The following IGF1R variants were observed in gnomAD, a reference collection of about 807,000 sequenced individuals.
IGF1R encodes insulin-like growth factor 1 receptor.
In IGF1R, 44 loss-of-function variants were observed where a neutral mutation model predicts 144.6. The ratio of observed to expected loss-of-function variants is 0.30; its 90% CI spans 0.24 to 0.39. The LOEUF is 0.39. Among genes scored for constraint, IGF1R ranks in the 10% least tolerant of loss-of-function variants. The pLI is 1.00. For synonymous variants in IGF1R, 795 were observed against 722.8 expected (o/e 1.10, Z -1.60); for missense variants, 1,355 against 1,833.7 (o/e 0.74, Z 4.77).
intron 20 of IGF1R, among the ~76,000 whole-genome samples, chr15:98,953,982 C>G (rs1011273700): frequency 6.6e-6 from 1 of 152,140 alleles, no homozygotes; most frequent in Non-Finnish European, 1.5e-5. Flanking sequence ...CTAAGACGAC[C>G]CTTACTGTTG....
intron 3 of IGF1R, among the ~76,000 whole-genome samples, chr15:98,894,617 A>T (rs1377481679): frequency 2.0e-5 from 3 of 152,222 alleles, no homozygotes; most frequent in Non-Finnish European, 4.4e-5. Flanking sequence ...AAAATGACAG[A>T]TTATAGCCAG....
chr15:98,874,585 T>C (rs1347863121), intron 2 of IGF1R, among the ~76,000 whole-genome samples: 1 of 152,196 alleles, frequency 6.6e-6, no homozygotes, highest in African/African-American at 2.4e-5. Context: ...CCTGGGTGTT[T>C]AACCCAACTC....
chr15:98,878,233 G>C (rs1344639869), intron 2 of IGF1R, among the ~76,000 whole-genome samples: 1 of 152,220 alleles, frequency 6.6e-6, no homozygotes, highest in South Asian at 2.1e-4. Flanking sequence ...ACAGTCCCCA[G>C]TTTGTCCCTA....
In IGF1R at chr15:98,958,816, A is replaced by G. The variant is rs1311742084; in HGVS notation, c.*1374A>G. ...CTCCAAGAAACTTCTTATGCTTTGT[A>G]CTAGAGTGCGTGACTTTCTTCCTCT... is the stretch of plus-strand genomic sequence containing the variant. On this transcript the variant is annotated 3_prime_UTR_variant, in exon 21 of 21. Transcript: ENST00000650285. 1 of 233,246 alleles carries G rather than the reference A, an allele frequency of 4.3e-6. No individual in the cohort carries two copies. Among genetic ancestry groups the G allele is most frequent in the Admixed American group, 5.6e-5 (1 of 17,768 alleles). The allele number at this position is 233,246 out of a possible 1,614,324, so 14.4% of individuals were successfully genotyped here. A position where few individuals can be genotyped will look rare whatever the true frequency, so the allele number is the denominator to read the frequency against.
chr15:98,769,830 T>G (rs1447491498), intron 2 of IGF1R, among the ~76,000 whole-genome samples: 1 of 152,242 alleles, frequency 6.6e-6, no homozygotes, highest in Non-Finnish European at 1.5e-5. Flanking sequence ...CCCTAGCTGT[T>G]TGTCTTGCTT....
At position 98,679,731 on chromosome 15, in the gene IGF1R, T is replaced by TTGTAAA. The variant is rs141353444; in HGVS notation, c.95-27830_95-27825dup. On this transcript the variant is annotated intron_variant, in intron 1 of 20. Coordinates refer to ENST00000650285, the MANE Select transcript of IGF1R (RefSeq NM_000875.5). ...TTATACTTATTAAACACAAAATTAA[T>TTGTAAA]TGTAAAATAGCCTCAGGCAGGTCCT... Among the ~76,000 whole-genome samples the TTGTAAA allele has an allele frequency of 5.4e-3, 819 of 152,272 alleles. 5 individuals are homozygous for TTGTAAA. The highest frequency in any genetic ancestry group is 0.019 in the African/African-American group (787 of 41,526).
At chr15:98,709,004 T>G (rs2053931905) in intron 2 of IGF1R, among the ~76,000 whole-genome samples, 1 of 152,236 alleles carries the variant, frequency 6.6e-6, no homozygotes, top group African/African-American at 2.4e-5. Flanking sequence ...CTGTTTGGTA[T>G]TAAAATGTGA....
chr15:98,739,792 A>G (rs878963232), intron 2 of IGF1R, among the ~76,000 whole-genome samples: 3 of 152,188 alleles, frequency 2.0e-5, no homozygotes, highest in Non-Finnish European at 4.4e-5. Flanking sequence ...GGGTTTCACC[A>G]TGTTGCCCAG....
chr15:98,738,625 A>C (rs2054667729), intron 2 of IGF1R, among the ~76,000 whole-genome samples: 1 of 152,084 alleles, frequency 6.6e-6, no homozygotes, highest in African/African-American at 2.4e-5. Flanking sequence ...ATTCCCCCCC[A>C]TTTAGGATTT....
intron 2 of IGF1R, among the ~76,000 whole-genome samples, chr15:98,888,018 C>T (rs138947871): frequency 2.0e-5 from 3 of 152,378 alleles, no homozygotes; most frequent in Non-Finnish European, 2.9e-5. Context: ...CAAGCCCTTG[C>T]ACCCACAGTG....
chr15:98,850,653 A>G (rs1438577272), intron 2 of IGF1R, among the ~76,000 whole-genome samples: 1 of 152,240 alleles, frequency 6.6e-6, no homozygotes, highest in Non-Finnish European at 1.5e-5. Context: ...AGAAGTCAGA[A>G]AAGCATAACT....
At chr15:98,861,565 T>C (rs563606519) in intron 2 of IGF1R, among the ~76,000 whole-genome samples, 13 of 152,182 alleles carry the variant, frequency 8.5e-5, no homozygotes, top group Non-Finnish European at 1.9e-4. Flanking sequence ...AAGCAAAACT[T>C]GTTTTCATTT....
chr15:98,737,335 G>A (rs1466519451), intron 2 of IGF1R, among the ~76,000 whole-genome samples: 1 of 152,190 alleles, frequency 6.6e-6, no homozygotes, highest in Non-Finnish European at 1.5e-5. Flanking sequence ...TTGGTGACCA[G>A]TTGGCTCCTC....
chr15:98,826,824 ACAAGTATATCTTAAAAG>A (rs2141490777), intron 2 of IGF1R, among the ~76,000 whole-genome samples: 1 of 152,346 alleles, frequency 6.6e-6, no homozygotes, highest in East Asian at 1.9e-4. Context: ...TTTGTTGCTG[ACAAGTATATCTTAAAAG>A]TGCAGGTGCA....
intron 20 of IGF1R, among the ~76,000 whole-genome samples, chr15:98,953,525 G>T: frequency 6.6e-6 from 1 of 152,184 alleles, no homozygotes; most frequent in East Asian, 1.9e-4. Flanking sequence ...TGAGCCAGGA[G>T]TGGCCCTGGC....
chr15:98,930,396 T>A, intron 15 of IGF1R, 91 bp downstream of exon 15: 1 of 789,578 alleles, frequency 1.3e-6, no homozygotes, highest in Non-Finnish European at 2.2e-6. Context: ...AGGAAGGAGG[T>A]TTGCATTATT....
intron 2 of IGF1R, among the ~76,000 whole-genome samples, chr15:98,887,457 A>T (rs2013695676): frequency 6.6e-6 from 1 of 152,108 alleles, no homozygotes; most frequent in Non-Finnish European, 1.5e-5. Context: ...TAGCTACTTG[A>T]TCTTAATGTC....
intron 2 of IGF1R, among the ~76,000 whole-genome samples, chr15:98,866,040 G>A (rs1277979754): frequency 4.6e-5 from 7 of 152,214 alleles, no homozygotes; most frequent in Non-Finnish European, 8.8e-5. Context: ...ACATATGCAC[G>A]GGGCGCAGTT....
At chr15:98,916,534 T>C in intron 9 of IGF1R, 138 bp from the exon 10 acceptor site, 2 of 824,910 alleles carry the variant, frequency 2.4e-6, no homozygotes, top group Non-Finnish European at 2.0e-6. Flanking sequence ...AGTGCTGGGA[T>C]TATAGCCTTG....
Sources: gnomAD v4.1 joint callset for allele counts (sites outside exome capture counted in the v4.1 genomes callset) on GRCh38, gnomAD v4.1.1 for gene constraint, MANE v1.5 for transcripts, NCBI Gene and HGNC (gene_info 2026-07-23, HGNC 2026-07-21) for gene names.